AVIL: variants seen among roughly 807,000 people sequenced by gnomAD.
AVIL encodes the protein advillin.
A neutral mutation model predicts 109.9 loss-of-function variants in AVIL; 78 were observed. The observed-to-expected ratio is 0.71, with a 90% CI of 0.59 to 0.86. The LOEUF is 0.86. Ranked by LOEUF, AVIL falls within the 40% of genes least tolerant of loss-of-function variation. The pLI, the probability that AVIL is intolerant of heterozygous loss-of-function variation, is 0.00. For missense variants in AVIL, 892 were observed against 1,016.5 expected (o/e 0.88, Z 1.67); for synonymous variants, 367 against 379.1 (o/e 0.97, Z 0.37).
Position 57,809,703 on chromosome 12 carries a change from A to G in AVIL, c.841-8T>C. 6.2e-7 allele frequency: 1 copy of G among 1,614,192 alleles called. No individual in the cohort carries two copies. The highest frequency in any genetic ancestry group is 1.1e-5 in the South Asian group (1 of 91,080). On this transcript the variant is annotated splice_polypyrimidine_tract_variant and splice_region_variant and intron_variant, in intron 8 of 19. Transcript: ENST00000549994. ...GTCCAGGATGTAGCAGTCCTAAAGC[A>G]GCCAGAGATAGGTATGGTTGCTCAA...
Position 57,808,561 on chromosome 12 carries a change from C to T in AVIL, c.940-13G>A. ...TCTTGATGAAGCCCTGCAGAGCCAC[C>T]CATTCCCAAAGGCAGGTCAGTGGTG... On this transcript the variant is annotated splice_polypyrimidine_tract_variant and intron_variant, in intron 9 of 19. Transcript: ENST00000549994. The T allele has an allele frequency of 6.2e-7, 1 of 1,613,230 alleles. No homozygotes were observed. Among genetic ancestry groups the T allele is most frequent in the Non-Finnish European group, 8.5e-7 (1 of 1,179,778 alleles).
chr12:57,808,568 C>T lies in AVIL; in HGVS notation c.940-20G>A. 6.2e-7 allele frequency: 1 copy of T among 1,612,828 alleles called. No homozygotes were observed. Among genetic ancestry groups the T allele is most frequent in the Non-Finnish European group, 8.5e-7 (1 of 1,179,640 alleles). The stretch of plus-strand genomic sequence containing the variant: ...GAAGCCCTGCAGAGCCACCCATTCC[C>T]AAAGGCAGGTCAGTGGTGGAATACA... On this transcript the variant is annotated intron_variant, in intron 9 of 19. Coordinates refer to ENST00000549994, the MANE Select transcript of AVIL (RefSeq NM_006576.4).
chr12:57,810,702 T>C (rs893739330), intron 6 of AVIL, 114 bp downstream of exon 6: 185 of 1,405,004 alleles, frequency 1.3e-4, no homozygotes, highest in Non-Finnish European at 5.9e-5. Context: ...TTGGCCTGTC[T>C]CCAAGACAGA....
chr12:57,802,024 G>T, intron 17 of AVIL, 136 bp downstream of exon 17: 5 of 992,512 alleles, frequency 5.0e-6, no homozygotes, highest in Non-Finnish European at 5.8e-6. Flanking sequence ...AAAGTAAAAG[G>T]CAGGGAGTGG....
At chr12:57,799,106 G>A (rs1955794812) in intron 19 of AVIL, among the ~76,000 whole-genome samples, 1 of 152,190 alleles carries the variant, frequency 6.6e-6, no homozygotes, top group Admixed American at 6.5e-5. Context: ...TAAAGGGACT[G>A]GAGCAGGTAT....
rs903623468 is a variant in AVIL, at chr12:57,818,635, T to C, written c.-26A>G. Reference sequence around the variant, plus strand: ...CGTAAATCAGAGACCTTACCTTGCCTTCTCGCTCACCAGCCTTCCCAGTTT... The same window carrying C: ...CGTAAATCAGAGACCTTACCTTGCCCTCTCGCTCACCAGCCTTCCCAGTTT... On this transcript the variant is annotated 5_prime_UTR_variant, in exon 1 of 20. Transcript: ENST00000549994. The C allele has an allele frequency of 7.2e-5, 11 of 152,248 alleles. No homozygotes were observed. Among genetic ancestry groups the C allele is most frequent in the African/African-American group, 2.7e-4 (11 of 41,472 alleles). 9.4% of individuals were successfully genotyped at this position (152,248 alleles called of 1,614,324 possible).
In AVIL at chr12:57,808,349, T is replaced by TTA. The variant is rs151329424; in HGVS notation, c.1093+45_1093+46insTA. 1,962 of 1,614,136 alleles carry TTA rather than the reference T, an allele frequency of 1.2e-3. 31 individuals carry two copies. The African/African-American group carries it at 0.023, about 19-fold the overall frequency. On this transcript the variant is annotated intron_variant, in intron 10 of 19. Coordinates refer to ENST00000549994, the MANE Select transcript of AVIL (RefSeq NM_006576.4). Reference sequence around the variant, plus strand: ...TGAGTAAGAAGCATCTGTGCCTGCTTTTCTAGAGTCTTAGCAATGAGAGGA... The same window carrying TTA: ...TGAGTAAGAAGCATCTGTGCCTGCTTTATTCTAGAGTCTTAGCAATGAGAGGA...
intron 2 of AVIL, chr12:57,815,437 A>G (rs548810281): frequency 2.2e-4 from 109 of 502,048 alleles, no homozygotes; most frequent in South Asian, 6.1e-4. Flanking sequence ...GTTGGGGGGA[A>G]TCCTCGTATC....
chr12:57,800,754 CAT>C (rs1423658681), intron 18 of AVIL: 1 of 160,956 alleles, frequency 6.2e-6, no homozygotes, highest in Non-Finnish European at 1.4e-5. Context: ...ACTACAGGCG[CAT>C]GCCACCACGG....
At chr12:57,811,210 C>T (rs1417663673) in intron 4 of AVIL, 83 bp from the exon 5 acceptor site, 3 of 1,290,878 alleles carry the variant, frequency 2.3e-6, no homozygotes, top group African/African-American at 1.5e-5. Context: ...ACAGATGCAG[C>T]CTCACTCATG....
chr12:57,798,805 C>CG (rs1955787637), intron 19 of AVIL, among the ~76,000 whole-genome samples: 1 of 151,892 alleles, frequency 6.6e-6, no homozygotes, highest in Non-Finnish European at 1.5e-5. Flanking sequence ...TTAGTACAGA[C>CG]GGGGTTTCAC....
intron 4 of AVIL, 22 bp downstream of exon 4, chr12:57,813,205 T>C: frequency 4.4e-6 from 7 of 1,589,298 alleles, no homozygotes; most frequent in Non-Finnish European, 6.0e-6. Flanking sequence ...TTTCTGTCCT[T>C]GCTCTGTGCA....
chr12:57,806,507 A>C lies in AVIL; in HGVS notation c.1524T>G (p.Pro508=). ...GGTSRKGNAE[P]DPPVRLFQIH... is the part of the protein sequence containing the mutation. ...TTTGGAAGAGTCTTACTGGAGGGTC[A>C]GGCTCGGCATTTCCCTTCCTGGAAG... The change falls in exon 14 of 20, where the codon CCT becomes CCG. Residue 508 remains proline (P), a synonymous_variant. Transcript: ENST00000549994. 1 of 1,614,212 alleles carries C rather than the reference A, an allele frequency of 6.2e-7. No homozygotes were observed. Among genetic ancestry groups the C allele is most frequent in the Non-Finnish European group, 8.5e-7 (1 of 1,180,032 alleles).
chr12:57,815,613 T>G, intron 2 of AVIL: 1 of 1,297,064 alleles, frequency 7.7e-7, no homozygotes. Flanking sequence ...GGGTGCCCCG[T>G]GGAAGACATG....
intron 9 of AVIL, 163 bp from the exon 10 acceptor site, chr12:57,808,711 C>A: frequency 3.8e-6 from 3 of 790,696 alleles, no homozygotes; most frequent in Non-Finnish European, 3.8e-6. Flanking sequence ...AAGGTACCTG[C>A]CTAAAAAAAA....
Position 57,812,781 on chromosome 12 carries a change from G to A in AVIL, c.338+446C>T, listed in dbSNP as rs145617423. On this transcript the variant is annotated intron_variant, in intron 4 of 19. Transcript: ENST00000549994. ...CTTGTGTTAGGTGTGTATCTAATCT[G>A]TTGCTTCTGGCTACTGCATAATACT... 3.9e-5 allele frequency among the ~76,000 whole-genome samples: 6 copies of A among 152,344 alleles called. No homozygotes were observed. In the East Asian group the frequency reaches 7.7e-4, roughly 20 times the overall value.
At chr12:57,801,012 T>G in intron 18 of AVIL, 132 bp downstream of exon 18, 1 of 660,804 alleles carries the variant, frequency 1.5e-6, no homozygotes, top group Non-Finnish European at 2.5e-6. Context: ...ACAAAAAGTC[T>G]TTACATCAAA....
chr12:57,818,181 G>GTTTTTTTTTT (rs1956119665), intron 1 of AVIL, among the ~76,000 whole-genome samples: 1 of 59,384 alleles, frequency 1.7e-5, no homozygotes, highest in Non-Finnish European at 3.5e-5. Flanking sequence ...ACCATGCTTG[G>GTTTTTTTTTT]CTTTTTTTTT....
intron 11 of AVIL, 200 bp downstream of exon 11, chr12:57,807,994 T>G: frequency 1.3e-6 from 1 of 790,940 alleles, no homozygotes; most frequent in South Asian, 1.4e-5. Context: ...CCAGGTGAGA[T>G]ATTGATAGCA....
Sources: gnomAD v4.1 joint callset for allele counts (sites outside exome capture counted in the v4.1 genomes callset) on GRCh38, gnomAD v4.1.1 for gene constraint, MANE v1.5 for transcripts, NCBI Gene and HGNC (gene_info 2026-07-23, HGNC 2026-07-21) for gene names.